The following CEP97 variants were observed in gnomAD, a reference collection of about 807,000 sequenced individuals.
CEP97 encodes centrosomal protein 97.
A neutral mutation model predicts 73.1 loss-of-function variants in CEP97; 43 were observed. The observed-to-expected ratio is 0.59, with a 90% confidence interval of 0.46 to 0.76. The LOEUF (loss-of-function observed/expected upper bound fraction) is 0.76, where lower values mean the gene tolerates loss of function less well. Among genes scored for constraint, CEP97 ranks in the 30% least tolerant of loss-of-function variants. The pLI, the probability that CEP97 is intolerant of heterozygous loss-of-function variation, is 0.00. For synonymous variants in CEP97, 337 were observed against 370.0 expected (o/e 0.91, Z 1.02); for missense variants, 939 against 1,014.0 (o/e 0.93, Z 1.00).
chr3:101,759,417 G>T (rs1260080019), intron 9 of CEP97: 1 of 152,090 alleles, frequency 6.6e-6, no homozygotes, highest in Non-Finnish European at 1.5e-5. Context: ...TGGTGTCCAG[G>T]GTTTTTATTG....
At position 101,724,660 on chromosome 3, in the gene CEP97, AT is replaced by A. The variant is rs1340187857; in HGVS notation, c.-15del. ...CGCGGGAGGACGGTTGCCTGGTATT[AT>A]TAGCAAGCAGCAAATATGGCGGTGG... On this transcript the variant is annotated 5_prime_UTR_variant, in exon 1 of 11. Transcript: ENST00000341893. The A allele has an allele frequency of 3.1e-6, 5 of 1,614,098 alleles. No homozygotes were observed. The African/African-American group carries it at 6.7e-5, about 22-fold the overall frequency.
In CEP97 at chr3:101,724,736, C is replaced by A; in HGVS notation, c.43+17C>A. On this transcript the variant is annotated intron_variant, in intron 1 of 10. Coordinates refer to ENST00000341893, the MANE Select transcript of CEP97 (RefSeq NM_024548.4). ...CCGGAGAAGGTAAGGCGATCCCTACCCCGAGTCCTAAGGTTTACTTCACGG... is the reference window on the plus strand; with the variant it reads ...CCGGAGAAGGTAAGGCGATCCCTACACCGAGTCCTAAGGTTTACTTCACGG... 6.2e-7 allele frequency: 1 copy of A among 1,613,732 alleles called. No homozygotes were observed. The highest frequency in any genetic ancestry group is 8.5e-7 in the Non-Finnish European group (1 of 1,179,576).
At chr3:101,761,879 A>G (rs1180267631) in intron 9 of CEP97, among the ~76,000 whole-genome samples, 1 of 152,168 alleles carries the variant, frequency 6.6e-6, no homozygotes, top group Non-Finnish European at 1.5e-5. Flanking sequence ...GATAGGCCTA[A>G]GTATGGAGAG....
intron 6 of CEP97, among the ~76,000 whole-genome samples, chr3:101,738,138 A>G (rs1938341224): frequency 1.3e-5 from 2 of 152,192 alleles, no homozygotes; most frequent in African/African-American, 4.8e-5. Context: ...CAATGGAACA[A>G]GAAGAGCTAA....
chr3:101,738,011 CAAAAA>C (rs770745532), intron 6 of CEP97, among the ~76,000 whole-genome samples: 11 of 44,224 alleles, frequency 2.5e-4, no homozygotes, highest in Non-Finnish European at 3.8e-4. Flanking sequence ...AAATGGAAAG[CAAAAA>C]AAAAAAAAAA....
chr3:101,738,894 A>G (rs1938361869), intron 6 of CEP97, among the ~76,000 whole-genome samples: 1 of 152,324 alleles, frequency 6.6e-6, no homozygotes. Flanking sequence ...TGAATTCAGG[A>G]GCTGGTTTTT....
At chr3:101,746,746 A>G (rs1938628969) in intron 6 of CEP97, among the ~76,000 whole-genome samples, 1 of 152,228 alleles carries the variant, frequency 6.6e-6, no homozygotes, top group African/African-American at 2.4e-5. Flanking sequence ...CAGGCAACCT[A>G]CAAAATGGGA....
intron 1 of CEP97, 113 bp downstream of exon 1, chr3:101,724,832 CG>C: frequency 3.5e-6 from 4 of 1,133,724 alleles, no homozygotes; most frequent in Non-Finnish European, 5.2e-6. Flanking sequence ...TCTTTTGATG[CG>C]GATCTGTGGT....
chr3:101,734,378 C>T (rs7635674), intron 6 of CEP97, among the ~76,000 whole-genome samples: 1 of 152,216 alleles, frequency 6.6e-6, no homozygotes, highest in Non-Finnish European at 1.5e-5. Flanking sequence ...ACTTTTTTCT[C>T]TCAGTACATA....
intron 6 of CEP97, among the ~76,000 whole-genome samples, chr3:101,740,126 G>A (rs146397983): frequency 0.049 from 7,445 of 152,122 alleles, 648 homozygotes; most frequent in African/African-American, 0.17. Flanking sequence ...TTTGGCCAAG[G>A]CAATCAGGCA....
At chr3:101,739,629 G>A (rs1020484545) in intron 6 of CEP97, among the ~76,000 whole-genome samples, 5 of 151,920 alleles carry the variant, frequency 3.3e-5, no homozygotes, top group Admixed American at 2.6e-4. Flanking sequence ...CACCCCTGGC[G>A]GGGCGCAGTG....
intron 6 of CEP97, among the ~76,000 whole-genome samples, chr3:101,751,633 C>T (rs1938823750): frequency 6.6e-6 from 1 of 152,174 alleles, no homozygotes; most frequent in South Asian, 2.1e-4. Context: ...ATAGTTAGCT[C>T]TTCTTGTTGA....
chr3:101,767,437 A>G lies in CEP97; in HGVS notation c.*1886A>G, dbSNP rs912147132. On this transcript the variant is annotated 3_prime_UTR_variant, in exon 11 of 11. Coordinates refer to ENST00000341893, the MANE Select transcript of CEP97 (RefSeq NM_024548.4). Reference sequence around the variant, plus strand: ...AAGTTAAGTGCCTCACTTGCTGTCCATAGTTAGACAAAGAAAAACCAATTT... The same window carrying G: ...AAGTTAAGTGCCTCACTTGCTGTCCGTAGTTAGACAAAGAAAAACCAATTT... The G allele has an allele frequency of 6.6e-6, 1 of 152,196 alleles. No homozygotes were observed. Among genetic ancestry groups the G allele is most frequent in the Admixed American group, 6.5e-5 (1 of 15,282 alleles). 9.4% of individuals were successfully genotyped at this position (152,196 alleles called of 1,614,324 possible).
intron 6 of CEP97, among the ~76,000 whole-genome samples, chr3:101,750,916 G>A (rs1192897176): frequency 1.3e-5 from 2 of 152,100 alleles, no homozygotes; most frequent in African/African-American, 4.8e-5. Flanking sequence ...ATTTCCTTCA[G>A]TTCTGCTCTG....
intron 6 of CEP97, among the ~76,000 whole-genome samples, chr3:101,748,129 C>CAA (rs71625598): frequency 0.25 from 13,488 of 53,868 alleles, 2,583 homozygotes; most frequent in Non-Finnish European, 0.28. Context: ...GACCTTGTCT[C>CAA]AAAAAAAAAA....
At chr3:101,757,534 T>G (rs1002150342) in intron 8 of CEP97, 100 bp from the exon 9 acceptor site, 3 of 1,145,144 alleles carry the variant, frequency 2.6e-6, no homozygotes, top group Non-Finnish European at 2.4e-6. Context: ...AGGGGATTTT[T>G]TTGCATTTTA....
Position 101,768,772 on chromosome 3 carries a change from G to T in CEP97, c.*3221G>T, listed in dbSNP as rs1939381613. The T allele has an allele frequency of 1.3e-5, 2 of 152,174 alleles. No homozygotes were observed. Among genetic ancestry groups the T allele is most frequent in the Admixed American group, 1.3e-4 (2 of 15,276 alleles). 9.4% of individuals were successfully genotyped at this position (152,174 alleles called of 1,614,324 possible). A position where few individuals can be genotyped will look rare whatever the true frequency, so the allele number is the denominator to read the frequency against. Reference sequence around the variant, plus strand: ...TTGCTGAGGTATATAAAATTTTCTAGAGAAATGCTGAGTTTGATGACATTT... The same window carrying T: ...TTGCTGAGGTATATAAAATTTTCTATAGAAATGCTGAGTTTGATGACATTT... On this transcript the variant is annotated 3_prime_UTR_variant, in exon 11 of 11. Coordinates refer to ENST00000341893, the MANE Select transcript of CEP97 (RefSeq NM_024548.4).
intron 6 of CEP97, among the ~76,000 whole-genome samples, chr3:101,738,427 T>G (rs1349632099): frequency 2.0e-5 from 3 of 152,170 alleles, no homozygotes; most frequent in African/African-American, 7.2e-5. Context: ...TATTCTAAAA[T>G]TGACCACATA....
chr3:101,742,041 CAAAAAAAA>C (rs1387449559), intron 6 of CEP97, among the ~76,000 whole-genome samples: 1 of 82,080 alleles, frequency 1.2e-5, no homozygotes, highest in Non-Finnish European at 2.6e-5. Flanking sequence ...GACTCCGTCT[CAAAAAAAA>C]AAAAACAAAA....
Sources: gnomAD v4.1 joint callset for allele counts (sites outside exome capture counted in the v4.1 genomes callset) on GRCh38, gnomAD v4.1.1 for gene constraint, MANE v1.5 for transcripts, NCBI Gene and HGNC (gene_info 2026-07-23, HGNC 2026-07-21) for gene names.